The following CALN1 variants were observed in gnomAD, a reference collection of about 807,000 sequenced individuals.
CALN1 encodes calcium-binding protein 8.
CALN1 carries 17 observed loss-of-function variants against 30.6 expected under a neutral mutation model. The observed-to-expected ratio is 0.56, with a 90% CI of 0.38 to 0.83. The LOEUF (loss-of-function observed/expected upper bound fraction) is 0.83, where lower values mean the gene tolerates loss of function less well. Among genes scored for constraint, CALN1 ranks in the 40% least tolerant of loss-of-function variants. The pLI is 0.00. For missense variants in CALN1, 291 were observed against 354.9 expected, an observed-to-expected ratio of 0.82 and a Z score of 1.45; for synonymous variants, 156 against 131.4, an observed-to-expected ratio of 1.19 and a Z score of -1.28.
At chr7:72,140,340 A>AGGGAGGG (rs1563091371) in intron 3 of CALN1, among the ~76,000 whole-genome samples, 1 of 65,402 alleles carries the variant, frequency 1.5e-5, no homozygotes, top group African/African-American at 5.0e-5. Context: ...AGAAGGAAGG[A>AGGGAGGG]AGGGAGGGAG....
intron 3 of CALN1, among the ~76,000 whole-genome samples, chr7:72,218,703 C>A (rs370404847): frequency 1.4e-4 from 21 of 152,206 alleles, no homozygotes; most frequent in African/African-American, 4.1e-4. Context: ...ACCATTAATC[C>A]ACTCAATGGG....
At chr7:72,453,988 C>CAAA in the CALN1 span, among the ~76,000 whole-genome samples, 67 of 146,190 alleles carry the variant, frequency 4.6e-4, no homozygotes, top group African/African-American at 1.7e-3. Flanking sequence ...AATTCACAAC[C>CAAA]AAAAAATATA....
intron 2 of CALN1, among the ~76,000 whole-genome samples, chr7:72,366,101 G>A (rs930493217): frequency 6.6e-6 from 1 of 152,044 alleles, no homozygotes; most frequent in African/African-American, 2.4e-5. Context: ...CTATTGATGA[G>A]TGACTAAAGT....
At chr7:72,476,489 T>C in the CALN1 span, among the ~76,000 whole-genome samples, 1 of 152,192 alleles carries the variant, frequency 6.6e-6, no homozygotes, top group African/African-American at 2.4e-5. Context: ...GTGACCTCCA[T>C]TGGCAAAGCC....
chr7:72,354,464 A>G (rs917420228), intron 2 of CALN1, among the ~76,000 whole-genome samples: 1 of 152,204 alleles, frequency 6.6e-6, no homozygotes, highest in Non-Finnish European at 1.5e-5. Flanking sequence ...AAATTTATAT[A>G]TGTATGCAAA....
intron 5 of CALN1, among the ~76,000 whole-genome samples, chr7:71,893,239 A>C (rs1358265199): frequency 6.6e-6 from 1 of 152,174 alleles, no homozygotes; most frequent in Non-Finnish European, 1.5e-5. Context: ...GGGAGATCCT[A>C]CTGGCGTTTA....
chr7:72,292,638 T>C (rs928875633), intron 2 of CALN1, among the ~76,000 whole-genome samples: 4 of 151,100 alleles, frequency 2.6e-5, no homozygotes, highest in African/African-American at 4.9e-5. Context: ...CTGGCCAACA[T>C]GGTGAAATCC....
intron 5 of CALN1, among the ~76,000 whole-genome samples, chr7:71,841,461 AAAACAG>A (rs1252033198): frequency 6.6e-6 from 1 of 152,198 alleles, no homozygotes; most frequent in East Asian, 1.9e-4. Context: ...CAGAGAATTC[AAAACAG>A]AATTACCACT....
At chr7:71,977,492 A>T (rs1798156900) in intron 5 of CALN1, among the ~76,000 whole-genome samples, 1 of 152,172 alleles carries the variant, frequency 6.6e-6, no homozygotes, top group Non-Finnish European at 1.5e-5. Flanking sequence ...AATTTAGACC[A>T]GACAGTGTTG....
rs573638459 is a variant in CALN1, at chr7:71,977,674, G to A, written c.501+45983C>T. Among the ~76,000 whole-genome samples the A allele has an allele frequency of 5.3e-5, 8 of 152,198 alleles. No individual in the cohort carries two copies. In the South Asian group the frequency reaches 1.7e-3, roughly 32 times the overall value. ...GAGCCAGGTGTGGTGGCTCACACCT[G>A]TAATCCCAGCACTTTGAGAGACTGA... is the stretch of plus-strand genomic sequence containing the variant. On this transcript the variant is annotated intron_variant, in intron 5 of 6. Coordinates refer to ENST00000395275, the MANE Select transcript of CALN1 (RefSeq NM_031468.4).
rs1019076358 is a variant in CALN1 at position 71,785,332 on chromosome 7, A to C, written c.*2443T>G. ...GAAAACAGGATGGCGGCGCCTCTCC[A>C]GAACTCCTTTTCCTCCCTACTCCTG... On this transcript the variant is annotated 3_prime_UTR_variant, in exon 7 of 7. Transcript: ENST00000395275. The C allele has an allele frequency of 6.5e-6, 1 of 153,820 alleles. No individual in the cohort carries two copies. Among genetic ancestry groups the C allele is most frequent in the Non-Finnish European group, 1.4e-5 (1 of 69,184 alleles). The allele number at this position is 153,820 out of a possible 1,614,324, so 9.5% of individuals were successfully genotyped here.
chr7:71,816,878 G>A (rs906378414), intron 5 of CALN1, among the ~76,000 whole-genome samples: 4 of 152,158 alleles, frequency 2.6e-5, no homozygotes, highest in African/African-American at 9.7e-5. Flanking sequence ...TGAGGCAGGA[G>A]AATCACTTGA....
At chr7:72,061,757 G>A (rs1435357803) in intron 4 of CALN1, among the ~76,000 whole-genome samples, 7 of 74,642 alleles carry the variant, frequency 9.4e-5, no homozygotes, top group African/African-American at 3.9e-4. Context: ...TTTCTCAATA[G>A]AAATAAAACG....
intron 3 of CALN1, among the ~76,000 whole-genome samples, chr7:72,277,117 A>G (rs1287428588): frequency 6.6e-6 from 1 of 152,072 alleles, no homozygotes; most frequent in Non-Finnish European, 1.5e-5. Flanking sequence ...ACGCCACCCA[A>G]GTGACATCTA....
At chr7:71,879,403 G>C (rs749806926) in intron 5 of CALN1, among the ~76,000 whole-genome samples, 1 of 152,142 alleles carries the variant, frequency 6.6e-6, no homozygotes, top group Non-Finnish European at 1.5e-5. Context: ...TTGTGCAAGA[G>C]GCGAAGACTT....
chr7:71,964,627 A>G (rs1394171621), intron 5 of CALN1, among the ~76,000 whole-genome samples: 1 of 151,860 alleles, frequency 6.6e-6, no homozygotes, highest in Non-Finnish European at 1.5e-5. Flanking sequence ...ACGCCACTGC[A>G]CTCCAGCCTG....
At chr7:72,111,101 C>G (rs1008525746) in intron 3 of CALN1, among the ~76,000 whole-genome samples, 2 of 152,216 alleles carry the variant, frequency 1.3e-5, no homozygotes, top group African/African-American at 4.8e-5. Context: ...TATCTTTGGT[C>G]TTTAATTAAA....
intron 4 of CALN1, among the ~76,000 whole-genome samples, chr7:72,102,297 T>C (rs1229419126): frequency 6.6e-6 from 1 of 151,888 alleles, no homozygotes; most frequent in Non-Finnish European, 1.5e-5. Flanking sequence ...ATACAAAAAT[T>C]AGCCGGGCGT....
intron 5 of CALN1, among the ~76,000 whole-genome samples, chr7:71,949,659 C>T (rs920918937): frequency 1.3e-5 from 2 of 152,156 alleles, no homozygotes; most frequent in South Asian, 2.1e-4. Context: ...AGCTTACAGG[C>T]ATGAGCCACC....
Sources: allele counts gnomAD v4.1 joint callset (sites outside exome capture counted in the v4.1 genomes callset), GRCh38; gene constraint gnomAD v4.1.1; transcripts MANE v1.5; gene names NCBI Gene and HGNC (gene_info 2026-07-23, HGNC 2026-07-21).